ARHGAP39: variants seen among roughly 807,000 people sequenced by gnomAD.
The protein encoded by ARHGAP39 is Rho GTPase activating protein 39.
ARHGAP39 carries 44 observed loss-of-function variants against 106.9 expected under a neutral mutation model. The observed-to-expected ratio is 0.41, with a 90% CI of 0.32 to 0.53. The LOEUF is 0.53. ARHGAP39 is among the 20% of genes least tolerant of loss of function. The pLI is 0.21. For synonymous variants in ARHGAP39, 768 were observed against 693.2 expected (o/e 1.11, Z -1.69); for missense variants, 1,496 against 1,577.3 (o/e 0.95, Z 0.87).
Position 144,671,511 on chromosome 8 carries a change from AC to A in ARHGAP39, c.-82+14174del, listed in dbSNP as rs1822098940. Among the ~76,000 whole-genome samples, 1 of 151,760 alleles carries A rather than the reference AC, an allele frequency of 6.6e-6. No individual in the cohort carries two copies. Among genetic ancestry groups the A allele is most frequent in the Non-Finnish European group, 1.5e-5 (1 of 67,938 alleles). On this transcript the variant is annotated intron_variant, in intron 1 of 11. Transcript: ENST00000377307. The surrounding 1 kb of genome is among the most constrained non-coding windows in gnomAD (Gnocchi z 4.5). ...ACACCACCCTCCCACCTGCTCCCTG[AC>A]CCCCAGATGCCTGCTCACCTGGGCT...
In ARHGAP39 at chr8:144,576,488, C is replaced by T. The variant is rs372079912; in HGVS notation, c.512+4358G>A. 4.6e-5 allele frequency among the ~76,000 whole-genome samples: 7 copies of T among 152,268 alleles called. No individual in the cohort carries two copies. In the South Asian group the frequency reaches 6.2e-4, roughly 14 times the overall value. On this transcript the variant is annotated intron_variant, in intron 3 of 11. Transcript: ENST00000377307. ...CAGTCCCCAGAGAGTGGGCCCTGAG[C>T]CATGGGTGACAGGGCAGGGCTAAGG...
rs953193335 is a variant in ARHGAP39 at position 144,684,515 on chromosome 8, C to T, written c.-82+1171G>A. Among the ~76,000 whole-genome samples, 8 of 152,238 alleles carry T rather than the reference C, an allele frequency of 5.3e-5. No individual in the cohort carries two copies. Among genetic ancestry groups the T allele is most frequent in the African/African-American group, 1.9e-4 (8 of 41,468 alleles). Reference sequence around the variant, plus strand: ...CACTGGAGGTCTGGTTAAACCCGTACAGCACTGAGGGGGAGGGGGCCCGGC... The same window carrying T: ...CACTGGAGGTCTGGTTAAACCCGTATAGCACTGAGGGGGAGGGGGCCCGGC... On this transcript the variant is annotated intron_variant, in intron 1 of 11. Coordinates refer to ENST00000377307, the MANE Select transcript of ARHGAP39 (RefSeq NM_025251.3). The surrounding 1 kb of genome is among the most constrained non-coding windows in gnomAD (Gnocchi z 4.4).
rs2130842038 is a variant in ARHGAP39 at position 144,547,100 on chromosome 8, G to A, written c.1959+27C>T. On this transcript the variant is annotated intron_variant, in intron 5 of 11. Coordinates refer to ENST00000377307, the MANE Select transcript of ARHGAP39 (RefSeq NM_025251.3). This position sits in a 1 kb window ranked among gnomAD's most constrained non-coding sequence, Gnocchi z 5.2. ...GACTGGGCTGGCCCCAGGCTCTCAA[G>A]CTCAGCCGCGCCCATTGGGCCCTCA... 1.3e-6 allele frequency: 2 copies of A among 1,537,084 alleles called. No individual in the cohort carries two copies. Among genetic ancestry groups the A allele is most frequent in the South Asian group, 1.3e-5 (1 of 77,656 alleles).
chr8:144,544,543 T>A (rs1817327266), intron 6 of ARHGAP39, among the ~76,000 whole-genome samples: 1 of 152,210 alleles, frequency 6.6e-6, no homozygotes, highest in African/African-American at 2.4e-5. Context: ...GCCCTGTAGA[T>A]ACCCATGATG....
At chr8:144,681,864 G>A (rs903079178) in intron 1 of ARHGAP39, among the ~76,000 whole-genome samples, 2 of 151,846 alleles carry the variant, frequency 1.3e-5, no homozygotes, top group South Asian at 2.1e-4. Flanking sequence ...GATGAGATGC[G>A]ATTTTCTAAG....
chr8:144,617,810 C>G (rs942431810), intron 1 of ARHGAP39, among the ~76,000 whole-genome samples: 1 of 152,116 alleles, frequency 6.6e-6, no homozygotes. Flanking sequence ...GAGGCAGGGT[C>G]TTGCTCTGTC....
At position 144,665,940 on chromosome 8, in the gene ARHGAP39, G is replaced by A. The variant is rs951583754; in HGVS notation, c.-82+19746C>T. On this transcript the variant is annotated intron_variant, in intron 1 of 11. Coordinates refer to ENST00000377307, the MANE Select transcript of ARHGAP39 (RefSeq NM_025251.3). ...GGTAGATCCACCAACAGCTTGCACC[G>A]TGTGCCTGGAAAAGCTGCAGACACT... Among the ~76,000 whole-genome samples the A allele has an allele frequency of 5.9e-5, 9 of 152,176 alleles. No individual in the cohort carries two copies. In the South Asian group the frequency reaches 1.0e-3, roughly 18 times the overall value.
chr8:144,640,480 A>G (rs953451939), intron 1 of ARHGAP39, among the ~76,000 whole-genome samples: 1 of 152,158 alleles, frequency 6.6e-6, no homozygotes, highest in Admixed American at 6.5e-5. Flanking sequence ...GTAAGACGTG[A>G]CTTGCTCCTC....
chr8:144,637,659 A>T (rs1317817376), intron 1 of ARHGAP39, among the ~76,000 whole-genome samples: 4 of 152,140 alleles, frequency 2.6e-5, no homozygotes. Context: ...TTATAGACTT[A>T]GAGATGTGTT....
the ARHGAP39 span, among the ~76,000 whole-genome samples, chr8:144,692,413 C>T: frequency 3.4e-4 from 52 of 152,352 alleles, 1 homozygote; most frequent in South Asian, 7.2e-3. Context: ...CCACAATCAT[C>T]TGGTCCAGTC....
chr8:144,549,611 G>C (rs1472284672), intron 4 of ARHGAP39, among the ~76,000 whole-genome samples: 1 of 152,092 alleles, frequency 6.6e-6, no homozygotes, highest in Non-Finnish European at 1.5e-5. Context: ...TCCTGCCTCA[G>C]CCTCCCGAGT....
the ARHGAP39 span, among the ~76,000 whole-genome samples, chr8:144,690,971 A>T: frequency 2.6e-5 from 4 of 152,124 alleles, no homozygotes; most frequent in East Asian, 1.9e-4. Flanking sequence ...TTGTCCATTT[A>T]AAAAAATTGA....
intron 1 of ARHGAP39, among the ~76,000 whole-genome samples, chr8:144,685,054 C>G (rs1207811519): frequency 6.6e-6 from 1 of 152,188 alleles, no homozygotes; most frequent in East Asian, 1.9e-4. Flanking sequence ...CGAGCTCAGG[C>G]TGGGCACACG....
the ARHGAP39 span, among the ~76,000 whole-genome samples, chr8:144,692,816 A>G: frequency 1.4e-5 from 2 of 143,358 alleles, no homozygotes; most frequent in African/African-American, 5.4e-5. Context: ...CTGCAGTGCA[A>G]TGGTGTGATC....
chr8:144,534,114 C>A lies in ARHGAP39; in HGVS notation c.2688+15G>T. 1 of 1,612,016 alleles carries A rather than the reference C, an allele frequency of 6.2e-7. No homozygotes were observed. Among genetic ancestry groups the A allele is most frequent in the Non-Finnish European group, 8.5e-7 (1 of 1,179,414 alleles). The stretch of plus-strand genomic sequence containing the variant: ...TCCCCGCCTGCCCTCCCCGGCCCCC[C>A]AGGCGCACCCGTACCTTCTTGGCCC... On this transcript the variant is annotated intron_variant, in intron 8 of 11. Transcript: ENST00000377307.
At position 144,548,175 on chromosome 8, in the gene ARHGAP39, G is replaced by A. The variant is rs1021189843; in HGVS notation, c.911C>T (p.Pro304Leu). The change falls in exon 5 of 12, where the codon CCG becomes CTG. Residue 304 changes from proline (P) to leucine (L), a missense_variant. Coordinates refer to ENST00000377307, the MANE Select transcript of ARHGAP39 (RefSeq NM_025251.3). This position sits in a 1 kb window ranked among gnomAD's most constrained non-coding sequence, Gnocchi z 7.4. ...GAGCGGGGGTTCATAGCCATAGCGC[G>A]GGGAGGAGGGCTGCGAGTCCCCGGA... is the stretch of plus-strand genomic sequence containing the variant. ...KPSGDSQPSS[P>L]RYGYEPPLYE... is the part of the protein sequence containing the mutation. 1.1e-5 allele frequency: 18 copies of A among 1,577,916 alleles called. No individual in the cohort carries two copies. The highest frequency in any genetic ancestry group is 1.4e-5 in the Non-Finnish European group (16 of 1,161,064).
chr8:144,547,725 G>A lies in ARHGAP39; in HGVS notation c.1361C>T (p.Pro454Leu), dbSNP rs1817507727. ...GGGCGGCTGGCTGTGCCGCAGCTCA[G>A]GTCCCTCCATGGTGCTGTAGTCTCC... ...KSGDYSTMEG[P>L]ELRHSQPPTP... The change falls in exon 5 of 12, where the codon CCT becomes CTT. Residue 454 changes from proline to leucine, a missense_variant. Physicochemically the swap from Pro to Leu is moderately conservative, Grantham distance 98. Coordinates refer to ENST00000377307, the MANE Select transcript of ARHGAP39 (RefSeq NM_025251.3). The surrounding 1 kb of genome is among the most constrained non-coding windows in gnomAD (Gnocchi z 5.2). 6.3e-7 allele frequency: 1 copy of A among 1,595,376 alleles called. No individual in the cohort carries two copies. The highest frequency in any genetic ancestry group is 2.2e-5 in the East Asian group (1 of 44,510).
At position 144,548,500 on chromosome 8, in the gene ARHGAP39, G is replaced by A. The variant is rs761011150; in HGVS notation, c.597-11C>T. The A allele has an allele frequency of 3.7e-6, 6 of 1,604,556 alleles. No individual in the cohort carries two copies. Among genetic ancestry groups the A allele is most frequent in the South Asian group, 2.2e-5 (2 of 90,446 alleles). On this transcript the variant is annotated splice_polypyrimidine_tract_variant and intron_variant, in intron 4 of 11. Transcript: ENST00000377307. This position sits in a 1 kb window ranked among gnomAD's most constrained non-coding sequence, Gnocchi z 7.4. ...CGCAGCGAGGAGGTCCTGCGTGGGGGGTGGACGGGCACAGGTGACTGCCTG... is the reference window on the plus strand; with the variant it reads ...CGCAGCGAGGAGGTCCTGCGTGGGGAGTGGACGGGCACAGGTGACTGCCTG...
chr8:144,669,062 CAGAA>C (rs1197769230), intron 1 of ARHGAP39, among the ~76,000 whole-genome samples: 1 of 151,422 alleles, frequency 6.6e-6, no homozygotes, highest in East Asian at 2.0e-4. Context: ...ATTTCAATGA[CAGAA>C]AGAAAGAACA....
Sources: gnomAD v4.1 joint callset for allele counts (sites outside exome capture counted in the v4.1 genomes callset) on GRCh38, gnomAD v4.1.1 for gene constraint, Gnocchi (gnomAD v3.1) non-coding constraint, MANE v1.5 for transcripts, NCBI Gene and HGNC (gene_info 2026-07-23, HGNC 2026-07-21) for gene names.